The following PCBP3 variants were observed in gnomAD, a reference collection of about 807,000 sequenced individuals.
PCBP3 encodes poly(rC)-binding protein 3.
In PCBP3, 25 loss-of-function variants were observed where a neutral mutation model predicts 52.7. That is an observed-to-expected ratio of 0.47 (90% confidence interval 0.35 to 0.66). PCBP3 has a LOEUF of 0.66. Among genes scored for constraint, PCBP3 ranks in the 30% least tolerant of loss-of-function variants. The pLI is 0.01. For missense variants in PCBP3, 391 were observed against 490.3 expected (o/e 0.80, Z 1.91); for synonymous variants, 162 against 183.0 (o/e 0.89, Z 0.93).
intron 2 of PCBP3, among the ~76,000 whole-genome samples, chr21:45,676,999 T>C (rs2081511544): frequency 1.3e-5 from 2 of 152,052 alleles, no homozygotes. Flanking sequence ...TCTCCAACTC[T>C]TGGCTTCAAG....
chr21:45,926,799 C>T (rs2075470921), intron 13 of PCBP3, among the ~76,000 whole-genome samples: 1 of 144,164 alleles, frequency 6.9e-6, no homozygotes, highest in Non-Finnish European at 1.6e-5. Flanking sequence ...ATGTCCTATT[C>T]TGAGATCAGG....
chr21:45,930,475 C>T (rs2076037867), intron 14 of PCBP3, among the ~76,000 whole-genome samples: 1 of 152,228 alleles, frequency 6.6e-6, no homozygotes, highest in African/African-American at 2.4e-5. Flanking sequence ...CGAGTCAGCC[C>T]TAGCCCAGTC....
At chr21:45,652,222 A>G (rs1427664590) in intron 1 of PCBP3, among the ~76,000 whole-genome samples, 2 of 152,154 alleles carry the variant, frequency 1.3e-5, no homozygotes, top group African/African-American at 4.8e-5. Flanking sequence ...TAATTAGTTG[A>G]TCTCAAAAAG....
intron 3 of PCBP3, chr21:45,744,172 T>TTTTTCA (rs1019573955): frequency 6.6e-6 from 1 of 151,874 alleles, no homozygotes; most frequent in African/African-American, 2.4e-5. Context: ...GTGCTCGTCA[T>TTTTTCA]TTTTCAGTCT....
intron 13 of PCBP3, 115 bp from the exon 14 acceptor site, chr21:45,929,802 C>T (rs1004610132): frequency 3.8e-5 from 29 of 769,602 alleles, no homozygotes; most frequent in South Asian, 7.9e-5. Context: ...GCCATGTGTC[C>T]GCATGGCCCT....
At chr21:45,870,434 G>C (rs1026186115) in intron 5 of PCBP3, among the ~76,000 whole-genome samples, 1 of 152,174 alleles carries the variant, frequency 6.6e-6, no homozygotes, top group Non-Finnish European at 1.5e-5. Context: ...GCATCCACGG[G>C]ACCTGCCAGC....
chr21:45,919,828 TGTGTGTGTGCGC>T (rs745690658), intron 13 of PCBP3, among the ~76,000 whole-genome samples: 48 of 120,314 alleles, frequency 4.0e-4, no homozygotes, highest in African/African-American at 7.5e-4. Context: ...TGTGTGTGTG[TGTGTGTGTGCGC>T]GCGCGCGTGC....
Position 45,861,180 on chromosome 21 carries a change from A to G in PCBP3, c.10+11085A>G, listed in dbSNP as rs572160314. Reference sequence around the variant, plus strand: ...CTCACCTCTGCCAGCACCCCCTCTCAGCTGCTGCCTGGTCAGCTTCCTTCT... The same window carrying G: ...CTCACCTCTGCCAGCACCCCCTCTCGGCTGCTGCCTGGTCAGCTTCCTTCT... On this transcript the variant is annotated intron_variant, in intron 5 of 17. Coordinates refer to ENST00000681687, the MANE Select transcript of PCBP3 (RefSeq NM_001384156.1). Among the ~76,000 whole-genome samples, 8 of 152,188 alleles carry G rather than the reference A, an allele frequency of 5.3e-5. No individual in the cohort carries two copies. The South Asian group carries it at 1.7e-3, about 32-fold the overall frequency.
intron 15 of PCBP3, among the ~76,000 whole-genome samples, chr21:45,932,618 C>A (rs368632538): frequency 1.3e-5 from 2 of 151,614 alleles, no homozygotes; most frequent in Admixed American, 6.6e-5. Context: ...TGAATGAACA[C>A]GTCGGCCGTG....
intron 2 of PCBP3, chr21:45,673,562 C>G (rs1054673646): frequency 6.6e-6 from 1 of 152,148 alleles, no homozygotes; most frequent in Non-Finnish European, 1.5e-5. Flanking sequence ...CCTGGGCCTT[C>G]TTGCTTTGAA....
chr21:45,652,192 C>T (rs965453722), intron 1 of PCBP3, among the ~76,000 whole-genome samples: 2 of 152,138 alleles, frequency 1.3e-5, no homozygotes, highest in Admixed American at 6.5e-5. Flanking sequence ...AGCCCTTGTT[C>T]TTTTCTTCTT....
At chr21:45,896,845 G>A (rs1190362357) in intron 6 of PCBP3, among the ~76,000 whole-genome samples, 3 of 145,428 alleles carry the variant, frequency 2.1e-5, no homozygotes, top group African/African-American at 7.9e-5. Flanking sequence ...TGCACTGCCC[G>A]GGCCATTGTC....
chr21:45,727,270 C>T (rs2085117602), intron 2 of PCBP3, among the ~76,000 whole-genome samples: 1 of 152,188 alleles, frequency 6.6e-6, no homozygotes, highest in Non-Finnish European at 1.5e-5. Flanking sequence ...TGTTCCAGCA[C>T]CATTTCTTGA....
chr21:45,753,238 A>G, intron 3 of PCBP3, among the ~76,000 whole-genome samples: 1 of 147,092 alleles, frequency 6.8e-6, no homozygotes. Flanking sequence ...AGATTTGCCT[A>G]TTTTCTTATA....
chr21:45,904,843 C>T lies in PCBP3; in HGVS notation c.339+3730C>T, dbSNP rs889750829. Among the ~76,000 whole-genome samples the T allele has an allele frequency of 6.6e-6, 1 of 152,186 alleles. No individual in the cohort carries two copies. The highest frequency in any genetic ancestry group is 1.5e-5 in the Non-Finnish European group (1 of 68,036). On this transcript the variant is annotated intron_variant, in intron 9 of 17. Transcript: ENST00000681687. This position sits in a 1 kb window ranked among gnomAD's most constrained non-coding sequence, Gnocchi z 4.8. ...TCACGATTGTGCTGGTGACGGATAC[C>T]TGGCCTTAAAAGAACCTCAGCAGTC...
chr21:45,817,487 C>T lies in PCBP3; in HGVS notation c.-125-32474C>T, dbSNP rs2093000712. On this transcript the variant is annotated intron_variant, in intron 4 of 17. Transcript: ENST00000681687. This position sits in a 1 kb window ranked among gnomAD's most constrained non-coding sequence, Gnocchi z 4.3. ...GGCCCCGTCTCCTCTTAGCTCTTGC[C>T]TCTGCTGTCCCCATCTCCCATATTC... Among the ~76,000 whole-genome samples, 1 of 152,246 alleles carries T rather than the reference C, an allele frequency of 6.6e-6. No homozygotes were observed. Among genetic ancestry groups the T allele is most frequent in the Non-Finnish European group, 1.5e-5 (1 of 68,042 alleles).
chr21:45,770,296 A>G (rs917315941), intron 4 of PCBP3, among the ~76,000 whole-genome samples: 2 of 152,206 alleles, frequency 1.3e-5, no homozygotes, highest in African/African-American at 2.4e-5. Context: ...TTTGAAGCCA[A>G]ATATAATTTT....
At chr21:45,902,130 T>A (rs1044462657) in intron 9 of PCBP3, among the ~76,000 whole-genome samples, 1 of 152,026 alleles carries the variant, frequency 6.6e-6, no homozygotes, top group Non-Finnish European at 1.5e-5. Context: ...ATGTGACTGG[T>A]TGGAGGAGTG....
rs567861094 is a variant in PCBP3, at chr21:45,837,979, A to G, written c.-125-11982A>G. On this transcript the variant is annotated intron_variant, in intron 4 of 17. Coordinates refer to ENST00000681687, the MANE Select transcript of PCBP3 (RefSeq NM_001384156.1). This position sits in a 1 kb window ranked among gnomAD's most constrained non-coding sequence, Gnocchi z 4.1. ...TGTACTTATTAGTTGGGATTCATCT[A>G]TGTGGAATAACGTTTGCCTCATCCA... 2.6e-5 allele frequency among the ~76,000 whole-genome samples: 4 copies of G among 152,368 alleles called. No individual in the cohort carries two copies. The South Asian group carries it at 8.3e-4, about 32-fold the overall frequency.
Sources: gnomAD v4.1 joint callset for allele counts (sites outside exome capture counted in the v4.1 genomes callset) on GRCh38, gnomAD v4.1.1 for gene constraint, Gnocchi (gnomAD v3.1) non-coding constraint, MANE v1.5 for transcripts, NCBI Gene and HGNC (gene_info 2026-07-23, HGNC 2026-07-21) for gene names.